CSMD1: variants seen among roughly 807,000 people sequenced by gnomAD.
The protein encoded by CSMD1 is CUB and sushi domain-containing protein 1.
A neutral mutation model predicts 417.5 loss-of-function variants in CSMD1; 213 were observed. The ratio of observed to expected loss-of-function variants is 0.51; its 90% CI spans 0.46 to 0.57. The LOEUF (loss-of-function observed/expected upper bound fraction) is 0.57. Among genes scored for constraint, CSMD1 ranks in the 20% least tolerant of loss-of-function variants. The pLI is 0.00. For missense variants in CSMD1, 6,923 were observed against 4,529.7 expected, an observed-to-expected ratio of 1.53 and a Z score of -15.17; for synonymous variants, 2,862 against 1,736.8, an observed-to-expected ratio of 1.65 and a Z score of -16.11.
At position 4,333,163 on chromosome 8, in the gene CSMD1, A is replaced by C. The variant is rs139335587; in HGVS notation, c.415+86790T>G. Among the ~76,000 whole-genome samples, 245 of 152,270 alleles carry C rather than the reference A, an allele frequency of 1.6e-3. 4 individuals carry two copies. In the East Asian group the frequency reaches 0.044, roughly 27 times the overall value. On this transcript the variant is annotated intron_variant, in intron 3 of 69. Coordinates refer to ENST00000635120, the MANE Select transcript of CSMD1 (RefSeq NM_033225.6). ...CCTGATTGAACATAAGAATTCCTCA[A>C]AAAATCCTTCGCAAGTTGGGATATC...
chr8:3,576,326 T>C (rs1273765392), intron 9 of CSMD1, among the ~76,000 whole-genome samples: 1 of 151,222 alleles, frequency 6.6e-6, no homozygotes, highest in Non-Finnish European at 1.5e-5. Flanking sequence ...TTCCTCATAA[T>C]GCTTCTTTAA....
intron 23 of CSMD1, among the ~76,000 whole-genome samples, chr8:3,320,520 T>C (rs138278044): frequency 6.6e-6 from 1 of 152,366 alleles, no homozygotes; most frequent in East Asian, 1.9e-4. Context: ...CATAGGCTGA[T>C]ACTTTTTTTA....
intron 3 of CSMD1, among the ~76,000 whole-genome samples, chr8:4,276,730 G>GA (rs1412503190): frequency 2.0e-5 from 3 of 152,122 alleles, no homozygotes; most frequent in Non-Finnish European, 4.4e-5. Context: ...TAAATAAAAG[G>GA]AAATGTATAT....
chr8:3,926,430 A>C (rs1056149752), intron 5 of CSMD1, among the ~76,000 whole-genome samples: 1 of 149,584 alleles, frequency 6.7e-6, no homozygotes, highest in African/African-American at 2.4e-5. Context: ...AGTAGCTAAT[A>C]TAGAGTCTGT....
intron 7 of CSMD1, 87 bp from the exon 8 acceptor site, chr8:3,616,884 C>A (rs911163713): frequency 2.5e-5 from 21 of 848,270 alleles, no homozygotes; most frequent in South Asian, 3.3e-5. Flanking sequence ...ATTTTCAGTT[C>A]TTTAATGATA....
chr8:4,287,982 A>G (rs943913399), intron 3 of CSMD1, among the ~76,000 whole-genome samples: 2 of 152,170 alleles, frequency 1.3e-5, no homozygotes, highest in Non-Finnish European at 2.9e-5. Flanking sequence ...TGATAATAAA[A>G]TTAAGGTTTG....
In CSMD1 at chr8:4,755,002, G is replaced by A. The variant is rs551263772; in HGVS notation, c.86-117444C>T. ...AAACACAAAAAATCAGCCGGGCATG[G>A]TGGCATGTGCCTGTGATCCCAGCTA... On this transcript the variant is annotated intron_variant, in intron 1 of 69. Coordinates refer to ENST00000635120, the MANE Select transcript of CSMD1 (RefSeq NM_033225.6). 1.1e-3 allele frequency among the ~76,000 whole-genome samples: 167 copies of A among 152,216 alleles called. 2 individuals are homozygous for A. The highest frequency in any genetic ancestry group is 6.9e-3 in the Admixed American group (105 of 15,286).
rs1245575234 is a variant in CSMD1 at position 3,409,559 on chromosome 8, C to A, written c.1608G>T (p.Gly536=). The A allele has an allele frequency of 1.2e-6, 2 of 1,610,520 alleles. No individual in the cohort carries two copies. Among genetic ancestry groups the A allele is most frequent in the Non-Finnish European group, 1.7e-6 (2 of 1,178,322 alleles). The change falls in exon 13 of 70, where the codon GGG becomes GGT. Residue 536 remains glycine (G), a synonymous_variant. Transcript: ENST00000635120. The stretch of plus-strand genomic sequence containing the variant: ...GGAGGAAACTGCTGCCCGTCCGCTT[C>A]CCATAGGCGGGGATTCCAGGATCCC... The part of the protein sequence containing the change: ...GCGDPGIPAY[G]KRTGSSFLHG...
At chr8:3,642,330 AC>A (rs1168351171) in intron 7 of CSMD1, among the ~76,000 whole-genome samples, 1 of 152,160 alleles carries the variant, frequency 6.6e-6, no homozygotes, top group African/African-American at 2.4e-5. Flanking sequence ...GCTCTTTCCC[AC>A]CTTGGTGCTG....
chr8:3,047,633 T>G (rs138120098), intron 50 of CSMD1, among the ~76,000 whole-genome samples: 2,224 of 152,318 alleles, frequency 0.015, 18 homozygotes, highest in East Asian at 0.038. Context: ...TTTTCGAAAC[T>G]CTCTGCTTCT....
At chr8:4,235,707 C>T (rs1802004216) in intron 3 of CSMD1, among the ~76,000 whole-genome samples, 1 of 152,132 alleles carries the variant, frequency 6.6e-6, no homozygotes, top group African/African-American at 2.4e-5. Flanking sequence ...TTTATTTATT[C>T]TTGTGATATG....
intron 1 of CSMD1, among the ~76,000 whole-genome samples, chr8:4,728,161 T>G (rs1809594130): frequency 6.8e-6 from 1 of 147,302 alleles, no homozygotes; most frequent in Non-Finnish European, 1.5e-5. Flanking sequence ...ATATATATTT[T>G]ATATATATAT....
chr8:4,324,078 T>C (rs1799419129), intron 3 of CSMD1, among the ~76,000 whole-genome samples: 1 of 152,126 alleles, frequency 6.6e-6, no homozygotes, highest in South Asian at 2.1e-4. Flanking sequence ...AAGCTTAGAT[T>C]TTACACCTTT....
chr8:4,067,135 T>G (rs537471883), intron 3 of CSMD1, among the ~76,000 whole-genome samples: 5 of 152,222 alleles, frequency 3.3e-5, no homozygotes, highest in African/African-American at 9.6e-5. Context: ...AGTCACTTCA[T>G]GCAAAACCAA....
chr8:4,966,130 G>C, intron 1 of CSMD1, among the ~76,000 whole-genome samples: 1 of 150,854 alleles, frequency 6.6e-6, no homozygotes. Flanking sequence ...TTGGGAGGCC[G>C]AGGCAGGTGG....
chr8:4,334,916 C>A (rs1563067060), intron 3 of CSMD1, among the ~76,000 whole-genome samples: 1 of 152,096 alleles, frequency 6.6e-6, no homozygotes, highest in Non-Finnish European at 1.5e-5. Flanking sequence ...GACCCACTTT[C>A]TACCCCCACA....
intron 6 of CSMD1, among the ~76,000 whole-genome samples, chr8:3,730,556 C>T (rs1802786192): frequency 6.6e-6 from 1 of 151,956 alleles, no homozygotes. Context: ...AAAGTGCTAC[C>T]GCCAATGAAC....
intron 1 of CSMD1, among the ~76,000 whole-genome samples, chr8:4,752,499 A>G (rs574058485): frequency 6.6e-6 from 1 of 152,292 alleles, no homozygotes; most frequent in Admixed American, 6.5e-5. Flanking sequence ...CTTTGGTTAT[A>G]AGGGCTAAAA....
chr8:4,977,083 G>C (rs560669554), intron 1 of CSMD1, among the ~76,000 whole-genome samples: 7 of 152,246 alleles, frequency 4.6e-5, no homozygotes, highest in Non-Finnish European at 8.8e-5. Flanking sequence ...AGTTATATTG[G>C]CGTTTCTCTC....
Sources: allele counts gnomAD v4.1 joint callset (sites outside exome capture counted in the v4.1 genomes callset), GRCh38; gene constraint gnomAD v4.1.1; transcripts MANE v1.5; gene names NCBI Gene and HGNC (gene_info 2026-07-23, HGNC 2026-07-21).